Variants in AMN1 observed in about 807,000 individuals in gnomAD.
AMN1 encodes antagonist of mitotic exit network 1 homolog, also known as protein AMN1 homolog.
AMN1 carries 20 observed loss-of-function variants against 33.0 expected under a neutral mutation model. The ratio of observed to expected loss-of-function variants is 0.61; its 90% CI spans 0.43 to 0.88. AMN1 has a LOEUF of 0.88. Ranked by LOEUF, AMN1 falls within the 40% of genes least tolerant of loss-of-function variation. AMN1 has a pLI of 0.00. For missense variants in AMN1, 246 were observed against 307.4 expected, an observed-to-expected ratio of 0.80 and a Z score of 1.49; for synonymous variants, 114 against 111.9, an observed-to-expected ratio of 1.02 and a Z score of -0.12.
chr12:31,724,188 G>C (rs1176339475), intron 1 of AMN1, among the ~76,000 whole-genome samples: 1 of 152,130 alleles, frequency 6.6e-6, no homozygotes, highest in Non-Finnish European at 1.5e-5. Flanking sequence ...ATTAGGCACA[G>C]TAAGAGATGA....
At chr12:31,692,309 T>C (rs1408844615) in intron 5 of AMN1, among the ~76,000 whole-genome samples, 1 of 151,808 alleles carries the variant, frequency 6.6e-6, no homozygotes, top group Non-Finnish European at 1.5e-5. Context: ...ATACAAAAAT[T>C]AGCTGGGCGT....
chr12:31,697,317 TA>T, intron 5 of AMN1, 43 bp downstream of exon 5: 1 of 1,537,040 alleles, frequency 6.5e-7, no homozygotes, highest in Non-Finnish European at 8.9e-7. Context: ...TCTAAGAATA[TA>T]AAAATTTAAT....
At chr12:31,700,423 G>C (rs1452713865) in intron 3 of AMN1, among the ~76,000 whole-genome samples, 1 of 151,964 alleles carries the variant, frequency 6.6e-6, no homozygotes, top group African/African-American at 2.4e-5. Context: ...GAGGTCTATA[G>C]AGAGGAAAAA....
intron 6 of AMN1, among the ~76,000 whole-genome samples, chr12:31,684,178 C>T (rs1301744768): frequency 6.6e-6 from 1 of 152,084 alleles, no homozygotes; most frequent in Non-Finnish European, 1.5e-5. Context: ...TGCATCATAA[C>T]ACAAATGTAT....
intron 6 of AMN1, among the ~76,000 whole-genome samples, chr12:31,685,374 G>A (rs1268729230): frequency 1.3e-5 from 2 of 152,096 alleles, no homozygotes; most frequent in Non-Finnish European, 2.9e-5. Context: ...TGGCTCTTAA[G>A]GTTCAACATT....
intron 6 of AMN1, among the ~76,000 whole-genome samples, chr12:31,688,016 G>A (rs1409391696): frequency 2.0e-5 from 3 of 152,154 alleles, no homozygotes; most frequent in Non-Finnish European, 4.4e-5. Flanking sequence ...ATGCAATGGC[G>A]TGATCTCAGC....
At chr12:31,676,717 T>C (rs1937724394) in intron 6 of AMN1, among the ~76,000 whole-genome samples, 1 of 151,778 alleles carries the variant, frequency 6.6e-6, no homozygotes. Context: ...AAAATTTGTC[T>C]TCTGTCTACA....
chr12:31,697,082 TTCA>T (rs1199613055), intron 5 of AMN1, among the ~76,000 whole-genome samples: 1 of 152,172 alleles, frequency 6.6e-6, no homozygotes, highest in Admixed American at 6.6e-5. Flanking sequence ...ATTCATAATC[TTCA>T]TCCATAATAA....
At chr12:31,678,687 C>T (rs936665855) in intron 6 of AMN1, among the ~76,000 whole-genome samples, 3 of 152,070 alleles carry the variant, frequency 2.0e-5, no homozygotes, top group Non-Finnish European at 2.9e-5. Flanking sequence ...GAGCCACCAC[C>T]GTGCCCGGCC....
Position 31,709,302 on chromosome 12 carries a change from A to C in AMN1, c.162T>G (p.Asn54Lys). The part of the protein sequence containing the change: ...MSMQGQITDS[N>K]ISEILHPEVQ... ...TTATTCATACTCTTACCTCACTTATATTTGAATCTGTTATCTGTCCCTGCA... is the reference window on the plus strand; with the variant it reads ...TTATTCATACTCTTACCTCACTTATCTTTGAATCTGTTATCTGTCCCTGCA... The change falls in exon 2 of 7, where the codon AAT becomes AAG. Residue 54 changes from asparagine (N) to lysine (K), a missense_variant. Coordinates refer to ENST00000281471, the MANE Select transcript of AMN1 (RefSeq NM_001113402.2). The C allele has an allele frequency of 6.2e-7, 1 of 1,613,580 alleles. No individual in the cohort carries two copies. The highest frequency in any genetic ancestry group is 8.5e-7 in the Non-Finnish European group (1 of 1,179,660).
chr12:31,699,414 AAAAAAAAGAAAG>A (rs1938886779), intron 3 of AMN1, among the ~76,000 whole-genome samples: 1 of 149,504 alleles, frequency 6.7e-6, no homozygotes, highest in Non-Finnish European at 1.5e-5. Context: ...AAAAAAAAAA[AAAAAAAAGAAAG>A]AAAAGAAAAG....
rs536711734 is a variant in AMN1 at position 31,683,677 on chromosome 12, C to T, written c.703+5330G>A. Among the ~76,000 whole-genome samples the T allele has an allele frequency of 4.1e-4, 62 of 152,328 alleles. 1 individual carries two copies. Among genetic ancestry groups the T allele is most frequent in the African/African-American group, 1.3e-3 (56 of 41,570 alleles). On this transcript the variant is annotated intron_variant, in intron 6 of 6. Transcript: ENST00000281471. The surrounding 1 kb of genome is among the most constrained non-coding windows in gnomAD (Gnocchi z 4.1). ...CTGCCACCCTGTAAGACGTGCCTTT[C>T]GCCTTCAGCCATGATTGTGAGGCTT...
rs1001357702 is a variant in AMN1 at position 31,683,330 on chromosome 12, G to A, written c.703+5677C>T. Among the ~76,000 whole-genome samples, 5 of 152,228 alleles carry A rather than the reference G, an allele frequency of 3.3e-5. No individual in the cohort carries two copies. The highest frequency in any genetic ancestry group is 9.6e-5 in the African/African-American group (4 of 41,452). Reference sequence around the variant, plus strand: ...GATAATTTTTCTTTACCATAAAGCAGTGGTTCCCAAAGTGTAGTCTGCATA... The same window carrying A: ...GATAATTTTTCTTTACCATAAAGCAATGGTTCCCAAAGTGTAGTCTGCATA... On this transcript the variant is annotated intron_variant, in intron 6 of 6. Transcript: ENST00000281471. This position sits in a 1 kb window ranked among gnomAD's most constrained non-coding sequence, Gnocchi z 4.1.
At chr12:31,706,717 GCTCT>G (rs780179643) in intron 2 of AMN1, among the ~76,000 whole-genome samples, 1 of 152,156 alleles carries the variant, frequency 6.6e-6, no homozygotes, top group Non-Finnish European at 1.5e-5. Context: ...AGTGCTTGGG[GCTCT>G]CTGCCTTGGA....
chr12:31,692,458 A>G (rs990513954), intron 5 of AMN1, among the ~76,000 whole-genome samples: 2 of 151,732 alleles, frequency 1.3e-5, no homozygotes, highest in South Asian at 2.1e-4. Flanking sequence ...TCTCAAAAAA[A>G]AAAAACAAAC....
rs753482154 is a variant in AMN1, at chr12:31,701,944, G to T, written c.235C>A (p.Leu79Met). The T allele has an allele frequency of 4.3e-6, 7 of 1,610,600 alleles. No individual in the cohort carries two copies. Among genetic ancestry groups the T allele is most frequent in the Non-Finnish European group, 5.9e-6 (7 of 1,178,858 alleles). Residue 79 changes from leucine to methionine, a missense_variant, in exon 3 of 7, where the codon CTG becomes ATG. By Grantham distance (15) the Leu-to-Met change is conservative. Coordinates refer to ENST00000281471, the MANE Select transcript of AMN1 (RefSeq NM_001113402.2). The stretch of plus-strand genomic sequence containing the variant: ...AGTTTTCTACAGTTAGACAGGTGCA[G>T]GAGAGCAGCATCTGATATATCGCAG... ...RSCDISDAAL[L>M]HLSNCRKLKK...
chr12:31,678,145 T>C (rs117542921), intron 6 of AMN1, among the ~76,000 whole-genome samples: 2,933 of 152,328 alleles, frequency 0.019, 43 homozygotes, highest in Middle Eastern at 0.048. Context: ...CTGAAGTCTC[T>C]TATAAATCTT....
chr12:31,679,430 C>T (rs1165862047), intron 6 of AMN1, among the ~76,000 whole-genome samples: 1 of 152,128 alleles, frequency 6.6e-6, no homozygotes, highest in Non-Finnish European at 1.5e-5. Context: ...ATTCAGGAGG[C>T]TGAGGCAGGA....
intron 6 of AMN1, chr12:31,673,656 C>T (rs1021152876): frequency 4.6e-6 from 2 of 431,784 alleles, no homozygotes; most frequent in African/African-American, 2.0e-5. Context: ...CAAAGCCAGA[C>T]AAAGACATCA....
Sources: gnomAD v4.1 joint callset for allele counts (sites outside exome capture counted in the v4.1 genomes callset) on GRCh38, gnomAD v4.1.1 for gene constraint, Gnocchi (gnomAD v3.1) non-coding constraint, MANE v1.5 for transcripts, NCBI Gene and HGNC (gene_info 2026-07-23, HGNC 2026-07-21) for gene names.